LRRFIP1: variants seen among roughly 807,000 people sequenced by gnomAD.
LRRFIP1 encodes leucine-rich repeat flightless-interacting protein 1.
LRRFIP1 carries 62 observed loss-of-function variants against 104.4 expected under a neutral mutation model. The observed-to-expected ratio is 0.59, with a 90% CI of 0.48 to 0.73. The LOEUF is 0.73. LRRFIP1 is among the 30% of genes least tolerant of loss of function. The probability of loss-of-function intolerance (pLI) is 0.00; values close to 1 mark genes in which losing one functional copy is unlikely to be tolerated. For missense variants in LRRFIP1, 796 were observed against 824.5 expected (o/e 0.97, Z 0.42); for synonymous variants, 300 against 299.0 (o/e 1.00, Z -0.03).
intron 23 of LRRFIP1, among the ~76,000 whole-genome samples, chr2:237,778,881 T>A (rs2061312392): frequency 6.7e-6 from 1 of 150,288 alleles, no homozygotes; most frequent in South Asian, 2.1e-4. Context: ...CACACCGTTA[T>A]ACTCTGGCCT....
chr2:237,642,078 C>T (rs1443541324), intron 1 of LRRFIP1, among the ~76,000 whole-genome samples: 1 of 152,202 alleles, frequency 6.6e-6, no homozygotes, highest in Non-Finnish European at 1.5e-5. Flanking sequence ...AGGCGACCTC[C>T]TCAGACAAGC....
chr2:237,735,308 G>A lies in LRRFIP1; in HGVS notation c.530G>A (p.Arg177Gln), dbSNP rs998658476. The stretch of plus-strand genomic sequence containing the variant: ...GAAGGCAGCTTCGGTGGGACCCGAC[G>A]GGGCAGCACCTCCGGCTCCCGTGCT... ...LDEGSFGGTRRGSTSGSRAPS... is the reference protein window; with the variant it reads ...LDEGSFGGTRQGSTSGSRAPS... The change falls in exon 10 of 24, where the codon CGG (arginine) becomes CAG (glutamine). Residue 177 changes from arginine to glutamine, a missense_variant. Coordinates refer to ENST00000308482, the MANE Select transcript of LRRFIP1 (RefSeq NM_001137550.2). This position sits in a 1 kb window ranked among gnomAD's most constrained non-coding sequence, Gnocchi z 4.6. 4 of 1,613,440 alleles carry A rather than the reference G, an allele frequency of 2.5e-6. No individual in the cohort carries two copies. Among genetic ancestry groups the A allele is most frequent in the East Asian group, 2.2e-5 (1 of 44,878 alleles).
At position 237,717,891 on chromosome 2, in the gene LRRFIP1, A is replaced by G; in HGVS notation, c.249+82A>G. 9.4e-7 allele frequency: 1 copy of G among 1,061,346 alleles called. No homozygotes were observed. The highest frequency in any genetic ancestry group is 1.5e-6 in the Non-Finnish European group (1 of 675,182). 65.7% of individuals were successfully genotyped at this position (1,061,346 alleles called of 1,614,324 possible). A position where few individuals can be genotyped will look rare whatever the true frequency, so the allele number is the denominator to read the frequency against. On this transcript the variant is annotated intron_variant, in intron 4 of 23. Transcript: ENST00000308482. The surrounding 1 kb of genome is among the most constrained non-coding windows in gnomAD (Gnocchi z 4.2). ...TGAGACTTAAATGGTTTATAATGTA[A>G]TTCTTACGCAGTTTAACTATGTAGA... is the stretch of plus-strand genomic sequence containing the variant.
rs542272534 is a variant in LRRFIP1 at position 237,662,869 on chromosome 2, G to T, written c.96+35129G>T. Among the ~76,000 whole-genome samples, 37 of 152,152 alleles carry T rather than the reference G, an allele frequency of 2.4e-4. No individual in the cohort carries two copies. The South Asian group carries it at 4.4e-3, about 18-fold the overall frequency. On this transcript the variant is annotated intron_variant, in intron 1 of 23. Transcript: ENST00000308482. Reference sequence around the variant, plus strand: ...CCCACCAGCGCTATGTCAATTTACCGTTGCCATGACGGCACCCAGGCATTA... The same window carrying T: ...CCCACCAGCGCTATGTCAATTTACCTTTGCCATGACGGCACCCAGGCATTA...
At chr2:237,643,634 C>T (rs1236774759) in intron 1 of LRRFIP1, among the ~76,000 whole-genome samples, 1 of 152,248 alleles carries the variant, frequency 6.6e-6, no homozygotes, top group East Asian at 1.9e-4. Flanking sequence ...AGAGCCTGGC[C>T]AGGGCCCCCA....
intron 1 of LRRFIP1, among the ~76,000 whole-genome samples, chr2:237,671,277 A>T (rs1158856461): frequency 1.3e-5 from 2 of 152,156 alleles, no homozygotes; most frequent in African/African-American, 4.8e-5. Flanking sequence ...AGCCATACAG[A>T]TCTGAGAGCC....
At position 237,695,740 on chromosome 2, in the gene LRRFIP1, G is replaced by A. The variant is rs1365035349; in HGVS notation, c.97-12804G>A. ...TACCTCACTGTTATTACTGGAGGCC[G>A]CCCAAATTTGTTTTTTGTTTTTTTT... is the stretch of plus-strand genomic sequence containing the variant. On this transcript the variant is annotated intron_variant, in intron 1 of 23. Transcript: ENST00000308482. 4.0e-5 allele frequency among the ~76,000 whole-genome samples: 6 copies of A among 151,610 alleles called. No individual in the cohort carries two copies. The South Asian group carries it at 6.3e-4, about 16-fold the overall frequency.
rs997452757 is a variant in LRRFIP1, at chr2:237,781,439, T to A, written c.*1907T>A. Among the ~76,000 whole-genome samples the A allele has an allele frequency of 5.9e-5, 9 of 152,122 alleles. No homozygotes were observed. Among genetic ancestry groups the A allele is most frequent in the Non-Finnish European group, 1.3e-4 (9 of 68,016 alleles). ...GCTGGTAGAACAGGGCTGCAAGGCA[T>A]CGATTCCCAGGTGTCTCACAGCCCT... On this transcript the variant is annotated 3_prime_UTR_variant, in exon 24 of 24. Coordinates refer to ENST00000308482, the MANE Select transcript of LRRFIP1 (RefSeq NM_001137550.2).
At position 237,749,342 on chromosome 2, in the gene LRRFIP1, TACTG is replaced by T. The variant is rs774489290; in HGVS notation, c.795+21_795+24del. On this transcript the variant is annotated intron_variant, in intron 13 of 23. Transcript: ENST00000308482. ...AAATCAAGGTGAGATGCTCTCTTCT[TACTG>T]ACAACTTGAGAGAACCTTTTGTAAA... 3 of 1,612,584 alleles carry T rather than the reference TACTG, an allele frequency of 1.9e-6. No individual in the cohort carries two copies. In the South Asian group the frequency reaches 3.3e-5, roughly 18 times the overall value.
intron 23 of LRRFIP1, among the ~76,000 whole-genome samples, 200 bp downstream of exon 23, chr2:237,774,662 T>A (rs1394224786): frequency 6.6e-6 from 1 of 152,266 alleles, no homozygotes. Flanking sequence ...AGACCCTTGC[T>A]GGCATCAACT....
chr2:237,712,990 T>C (rs1448293207), intron 2 of LRRFIP1, among the ~76,000 whole-genome samples: 1 of 152,178 alleles, frequency 6.6e-6, no homozygotes, highest in Non-Finnish European at 1.5e-5. Context: ...TTGAGAAACC[T>C]GATCCCTGTT....
At chr2:237,748,829 A>G (rs577252271) in intron 12 of LRRFIP1, among the ~76,000 whole-genome samples, 2 of 152,350 alleles carry the variant, frequency 1.3e-5, no homozygotes, top group African/African-American at 4.8e-5. Flanking sequence ...TCACACTGCC[A>G]TAAAGAACTT....
intron 22 of LRRFIP1, among the ~76,000 whole-genome samples, 155 bp downstream of exon 22, chr2:237,773,100 G>A (rs546725585): frequency 5.2e-4 from 79 of 152,128 alleles, no homozygotes; most frequent in Non-Finnish European, 1.1e-3. Context: ...CTTTCCATCC[G>A]TTTCTTACAG....
At chr2:237,671,697 C>T in intron 1 of LRRFIP1, among the ~76,000 whole-genome samples, 1 of 151,846 alleles carries the variant, frequency 6.6e-6, no homozygotes, top group Non-Finnish European at 1.5e-5. Flanking sequence ...GAGAAGCTGG[C>T]CAGGGACAGG....
intron 8 of LRRFIP1, among the ~76,000 whole-genome samples, chr2:237,731,628 G>A (rs2095017154): frequency 6.6e-6 from 1 of 152,172 alleles, no homozygotes; most frequent in Non-Finnish European, 1.5e-5. Flanking sequence ...AGGGCACTTA[G>A]TCATTAAGAA....
chr2:237,742,746 A>G (rs11688535), intron 11 of LRRFIP1, among the ~76,000 whole-genome samples: 6,616 of 152,286 alleles, frequency 0.043, 163 homozygotes, highest in Middle Eastern at 0.12. Flanking sequence ...GAGAGCCTGG[A>G]TAGGACTCCC....
intron 1 of LRRFIP1, among the ~76,000 whole-genome samples, chr2:237,684,650 A>C (rs779516998): frequency 6.6e-6 from 1 of 150,928 alleles, no homozygotes; most frequent in Non-Finnish European, 1.5e-5. Flanking sequence ...GCATGTATAG[A>C]TTTTTTTTTT....
At chr2:237,637,332 G>A (rs528834858) in intron 1 of LRRFIP1, among the ~76,000 whole-genome samples, 1 of 152,252 alleles carries the variant, frequency 6.6e-6, no homozygotes, top group African/African-American at 2.4e-5. Flanking sequence ...GCCAGATGTG[G>A]TGGCTTGCAC....
chr2:237,665,059 T>C (rs545642786), intron 1 of LRRFIP1, among the ~76,000 whole-genome samples: 2 of 152,374 alleles, frequency 1.3e-5, no homozygotes, highest in Middle Eastern at 3.4e-3. Context: ...ACTTTAAGAA[T>C]ACTTATAATT....
Sources: gnomAD v4.1 joint callset for allele counts (sites outside exome capture counted in the v4.1 genomes callset) on GRCh38, gnomAD v4.1.1 for gene constraint, Gnocchi (gnomAD v3.1) non-coding constraint, MANE v1.5 for transcripts, NCBI Gene and HGNC (gene_info 2026-07-23, HGNC 2026-07-21) for gene names.